The following NEDD9 variants were observed in gnomAD, a reference collection of about 807,000 sequenced individuals.
NEDD9 encodes enhancer of filamentation 1.
NEDD9 carries 26 observed loss-of-function variants against 76.6 expected under a neutral mutation model. That is an observed-to-expected ratio of 0.34 (90% CI 0.25 to 0.47). The LOEUF is 0.47. Ranked by LOEUF, NEDD9 falls within the 20% of genes least tolerant of loss-of-function variation. The pLI is 1.00. For synonymous variants in NEDD9, 392 were observed against 414.2 expected (o/e 0.95, Z 0.65); for missense variants, 937 against 1,058.5 (o/e 0.89, Z 1.59).
chr6:11,207,651 A>G (rs1255224700), intron 2 of NEDD9: 2 of 152,232 alleles, frequency 1.3e-5, no homozygotes, highest in East Asian at 1.9e-4. Flanking sequence ...CATCACACAC[A>G]TTGCAATGGC....
chr6:11,238,650 T>C (rs1379040747), intron 3 of NEDD9, among the ~76,000 whole-genome samples: 1 of 152,168 alleles, frequency 6.6e-6, no homozygotes, highest in East Asian at 1.9e-4. Context: ...TTGTACCCCA[T>C]CTTCTTTATA....
At chr6:11,201,951 G>A (rs1321704183) in intron 2 of NEDD9, among the ~76,000 whole-genome samples, 1 of 152,150 alleles carries the variant, frequency 6.6e-6, no homozygotes, top group Non-Finnish European at 1.5e-5. Context: ...CATGAATTTA[G>A]TAGAGTACTA....
At chr6:11,232,737 G>C (rs1581974621), upstream of NEDD9, 1 of 1,423,784 alleles carries the variant, frequency 7.0e-7, no homozygotes. Flanking sequence ...CCATTGGCTA[G>C]TGGGACAAGG....
chr6:11,191,939 AGACTGCAAT>A (rs1338813785), intron 4 of NEDD9, among the ~76,000 whole-genome samples: 2 of 152,208 alleles, frequency 1.3e-5, no homozygotes, highest in Non-Finnish European at 2.9e-5. Context: ...TGGGAAGTAA[AGACTGCAAT>A]GAGCTGTGGT....
At chr6:11,256,085 G>C (rs979300045) in intron 3 of NEDD9, among the ~76,000 whole-genome samples, 29 of 152,172 alleles carry the variant, frequency 1.9e-4, no homozygotes, top group African/African-American at 6.5e-4. Flanking sequence ...CATGGTTTTT[G>C]CTAGAGGCTG....
chr6:11,240,997 C>T (rs1410505423), intron 3 of NEDD9, among the ~76,000 whole-genome samples: 3 of 152,184 alleles, frequency 2.0e-5, no homozygotes. Context: ...GTGAGGTGTT[C>T]TGTTATTACA....
At chr6:11,293,192 CTA>C (rs1489202736) in intron 3 of NEDD9, among the ~76,000 whole-genome samples, 2 of 138,264 alleles carry the variant, frequency 1.4e-5, no homozygotes, top group South Asian at 4.5e-4. Context: ...CAATCTAAGT[CTA>C]TGTTTTTTTT....
At chr6:11,306,194 C>A in intron 2 of NEDD9, 1 of 680,178 alleles carries the variant, frequency 1.5e-6, no homozygotes, top group South Asian at 1.9e-5. Context: ...TTGGTAAGAT[C>A]TGAAAAAAAT....
chr6:11,325,216 G>A (rs1761897204), intron 2 of NEDD9, among the ~76,000 whole-genome samples: 1 of 152,076 alleles, frequency 6.6e-6, no homozygotes, highest in Admixed American at 6.5e-5. Context: ...TTAGCAGGGT[G>A]TGGTGCCGGG....
At chr6:11,313,955 T>C (rs1185579592) in intron 2 of NEDD9, among the ~76,000 whole-genome samples, 3 of 152,236 alleles carry the variant, frequency 2.0e-5, no homozygotes, top group Non-Finnish European at 1.5e-5. Flanking sequence ...TTAAAACATA[T>C]GGATTTGGAG....
chr6:11,186,561 G>A (rs553439170), intron 6 of NEDD9, among the ~76,000 whole-genome samples: 3 of 152,320 alleles, frequency 2.0e-5, no homozygotes, highest in South Asian at 2.1e-4. Flanking sequence ...AGCTGGAGCA[G>A]TGATCACCTC....
At chr6:11,219,130 C>T (rs1264290465) in intron 1 of NEDD9, among the ~76,000 whole-genome samples, 1 of 152,164 alleles carries the variant, frequency 6.6e-6, no homozygotes, top group African/African-American at 2.4e-5. Flanking sequence ...TTGACCAGAA[C>T]GCTGGTACAG....
At chr6:11,273,466 C>A (rs898308581) in intron 3 of NEDD9, among the ~76,000 whole-genome samples, 2 of 152,206 alleles carry the variant, frequency 1.3e-5, no homozygotes, top group Non-Finnish European at 2.9e-5. Flanking sequence ...GCAAGGGCAA[C>A]CTGAATCATG....
At chr6:11,223,784 C>A (rs902951321) in intron 1 of NEDD9, among the ~76,000 whole-genome samples, 1 of 152,060 alleles carries the variant, frequency 6.6e-6, no homozygotes, top group Admixed American at 6.6e-5. Flanking sequence ...ATGGGCATGG[C>A]TTTATTTCTA....
chr6:11,314,639 T>C (rs1050807753), intron 2 of NEDD9, among the ~76,000 whole-genome samples: 1 of 152,216 alleles, frequency 6.6e-6, no homozygotes, highest in Non-Finnish European at 1.5e-5. Flanking sequence ...TGTTTTTTCT[T>C]ATCTCTCTTT....
chr6:11,374,930 C>A (rs1582056442), intron 1 of NEDD9, among the ~76,000 whole-genome samples: 1 of 152,088 alleles, frequency 6.6e-6, no homozygotes, highest in South Asian at 2.1e-4. Context: ...ATTTTTTAAT[C>A]TTGGGGAGTC....
chr6:11,190,878 C>T lies in NEDD9; in HGVS notation c.991G>A (p.Glu331Lys), dbSNP rs139776242. The T allele has an allele frequency of 2.9e-4, 464 of 1,613,994 alleles. No homozygotes were observed. The highest frequency in any genetic ancestry group is 1.7e-4 in the Non-Finnish European group (199 of 1,180,024). The change falls in exon 5 of 7, where the codon GAA becomes AAA. Residue 331 changes from glutamate to lysine, a missense_variant. Transcript: ENST00000379446. The surrounding 1 kb of genome is among the most constrained non-coding windows in gnomAD (Gnocchi z 5.8). ...TGGGGGTTTGCTTTCTCACTGGTTT[C>T]TGCTGGTGGCTCAAGAAACTGAACG... The part of the protein sequence containing the change: ...RGVQFLEPPA[E>K]TSEKANPQER...
intron 1 of NEDD9, among the ~76,000 whole-genome samples, chr6:11,356,658 T>A (rs1260756175): frequency 6.6e-6 from 1 of 152,150 alleles, no homozygotes; most frequent in Non-Finnish European, 1.5e-5. Context: ...TTCAGTAGCA[T>A]CATTTTAGAC....
chr6:11,307,822 C>G (rs1437835604), intron 2 of NEDD9, among the ~76,000 whole-genome samples: 3 of 152,176 alleles, frequency 2.0e-5, no homozygotes, highest in Non-Finnish European at 4.4e-5. Flanking sequence ...AGTGCAACCC[C>G]TCTCTTTCCC....
Sources: allele counts gnomAD v4.1 joint callset (sites outside exome capture counted in the v4.1 genomes callset), GRCh38; gene constraint gnomAD v4.1.1; non-coding constraint Gnocchi (gnomAD v3.1); transcripts MANE v1.5; gene names NCBI Gene and HGNC (gene_info 2026-07-23, HGNC 2026-07-21).